PLXNC1: variants seen among roughly 807,000 people sequenced by gnomAD.
The protein encoded by PLXNC1 is plexin C1, also known as plexin-C1.
PLXNC1 carries 75 observed loss-of-function variants against 178.2 expected under a neutral mutation model. That is an observed-to-expected ratio of 0.42 (90% CI 0.35 to 0.51). The LOEUF (loss-of-function observed/expected upper bound fraction) is 0.51. PLXNC1 is among the 20% of genes least tolerant of loss of function. The pLI, the probability that PLXNC1 is intolerant of heterozygous loss-of-function variation, is 0.02. For missense variants in PLXNC1, 1,503 were observed against 1,984.4 expected (o/e 0.76, Z 4.61); for synonymous variants, 790 against 779.9 (o/e 1.01, Z -0.22).
intron 4 of PLXNC1, among the ~76,000 whole-genome samples, chr12:94,209,020 G>A (rs945248814): frequency 3.9e-5 from 6 of 152,190 alleles, no homozygotes; most frequent in African/African-American, 1.2e-4. Context: ...CTAAATAAAT[G>A]GTATGTAGCA....
In PLXNC1 at chr12:94,260,512, A is replaced by G. The variant is rs1167004223; in HGVS notation, c.3252-130A>G. ...GAAGTGGTTAGAATCTAAACATTAA[A>G]AAAAAAAAAAAAAAAGCTCCCAACC... On this transcript the variant is annotated intron_variant, in intron 19 of 30. Coordinates refer to ENST00000258526, the MANE Select transcript of PLXNC1 (RefSeq NM_005761.3). This position sits in a 1 kb window ranked among gnomAD's most constrained non-coding sequence, Gnocchi z 4.4. 2.8e-6 allele frequency: 1 copy of G among 359,398 alleles called. No homozygotes were observed. Among genetic ancestry groups the G allele is most frequent in the African/African-American group, 2.2e-5 (1 of 44,726 alleles). The allele number at this position is 359,398 out of a possible 1,614,324, so 22.3% of individuals were successfully genotyped here.
In PLXNC1 at chr12:94,260,599, T is replaced by A; in HGVS notation, c.3252-43T>A. On this transcript the variant is annotated intron_variant, in intron 19 of 30. Coordinates refer to ENST00000258526, the MANE Select transcript of PLXNC1 (RefSeq NM_005761.3). The surrounding 1 kb of genome is among the most constrained non-coding windows in gnomAD (Gnocchi z 4.4). Reference sequence around the variant, plus strand: ...ATGGAAACTCCCATGGGTGTCCAGCTAGGCCTGCAGCCAATGGTTCACCCA... The same window carrying A: ...ATGGAAACTCCCATGGGTGTCCAGCAAGGCCTGCAGCCAATGGTTCACCCA... The A allele has an allele frequency of 6.8e-7, 1 of 1,477,478 alleles. No individual in the cohort carries two copies. Among genetic ancestry groups the A allele is most frequent in the Non-Finnish European group, 9.4e-7 (1 of 1,063,506 alleles). 91.5% of individuals were successfully genotyped at this position (1,477,478 alleles called of 1,614,324 possible).
At chr12:94,251,704 C>T (rs1964694428) in intron 15 of PLXNC1, among the ~76,000 whole-genome samples, 176 bp downstream of exon 15, 1 of 152,224 alleles carries the variant, frequency 6.6e-6, no homozygotes, top group African/African-American at 2.4e-5. Flanking sequence ...CTAAACATTT[C>T]TTTTGGCCAG....
At chr12:94,198,076 C>T (rs967176147) in intron 4 of PLXNC1, among the ~76,000 whole-genome samples, 2 of 152,160 alleles carry the variant, frequency 1.3e-5, no homozygotes, top group Non-Finnish European at 2.9e-5. Context: ...TCCCTCCACA[C>T]GTATGTTCAT....
chr12:94,168,672 C>G (rs1419085421), intron 1 of PLXNC1, among the ~76,000 whole-genome samples: 2 of 152,188 alleles, frequency 1.3e-5, no homozygotes, highest in East Asian at 3.9e-4. Flanking sequence ...TTTGGTAAAT[C>G]TAGAATCCCT....
intron 5 of PLXNC1, among the ~76,000 whole-genome samples, chr12:94,212,273 CAAAAAAAAAAAA>C (rs146191533): frequency 2.2e-5 from 2 of 89,142 alleles, no homozygotes; most frequent in Non-Finnish European, 4.2e-5. Context: ...GACTCCGTCT[CAAAAAAAAAAAA>C]AAAAAAAAAA....
intron 24 of PLXNC1, among the ~76,000 whole-genome samples, chr12:94,296,132 T>A (rs909555637): frequency 6.6e-6 from 1 of 152,176 alleles, no homozygotes; most frequent in African/African-American, 2.4e-5. Flanking sequence ...CTACTCCCCA[T>A]TTTCCATTAG....
intron 12 of PLXNC1, among the ~76,000 whole-genome samples, chr12:94,245,555 C>T (rs1964506579): frequency 6.6e-6 from 1 of 152,206 alleles, no homozygotes; most frequent in Non-Finnish European, 1.5e-5. Flanking sequence ...CACAGAGTAT[C>T]ATCAGGTTCT....
intron 21 of PLXNC1, among the ~76,000 whole-genome samples, chr12:94,277,538 C>A (rs1966064669): frequency 6.6e-6 from 1 of 152,206 alleles, no homozygotes; most frequent in Non-Finnish European, 1.5e-5. Context: ...GAGAAAGCGA[C>A]ATACACAGAG....
chr12:94,219,958 A>G, intron 5 of PLXNC1, 58 bp from the exon 6 acceptor site: 2 of 1,557,786 alleles, frequency 1.3e-6, no homozygotes, highest in Non-Finnish European at 1.8e-6. Context: ...ATGAGGCTCT[A>G]TGATGGATGG....
At chr12:94,195,769 T>A (rs961343392) in intron 4 of PLXNC1, among the ~76,000 whole-genome samples, 1 of 152,194 alleles carries the variant, frequency 6.6e-6, no homozygotes, top group East Asian at 1.9e-4. Flanking sequence ...CATTTCTCGC[T>A]CGGTCTAACA....
chr12:94,199,221 G>T (rs1005292836), intron 4 of PLXNC1, among the ~76,000 whole-genome samples: 1 of 152,176 alleles, frequency 6.6e-6, no homozygotes, highest in Non-Finnish European at 1.5e-5. Flanking sequence ...TGGAATGGCC[G>T]ACAATTTGAG....
chr12:94,265,195 G>A lies in PLXNC1; in HGVS notation c.3567G>A (p.Leu1189=). 6.2e-7 allele frequency: 1 copy of A among 1,612,232 alleles called. No homozygotes were observed. The highest frequency in any genetic ancestry group is 2.2e-5 in the East Asian group (1 of 44,852). ...TGTACACACTTAATGAAGACTGGCTGTTGTGGCAGGTTCCGGAATTCAGTA... is the reference window on the plus strand; with the variant it reads ...TGTACACACTTAATGAAGACTGGCTATTGTGGCAGGTTCCGGAATTCAGTA... The part of the protein sequence containing the change: ...KALYTLNEDW[L]LWQVPEFSTV... Residue 1189 remains leucine, a synonymous_variant, in exon 21 of 31, where the codon CTG becomes CTA. Coordinates refer to ENST00000258526, the MANE Select transcript of PLXNC1 (RefSeq NM_005761.3).
intron 2 of PLXNC1, among the ~76,000 whole-genome samples, chr12:94,177,200 C>A (rs1048447452): frequency 8.4e-5 from 1 of 11,864 alleles, no homozygotes; most frequent in South Asian, 1.8e-3. Context: ...TATATATATA[C>A]GTATATATAT....
intron 1 of PLXNC1, among the ~76,000 whole-genome samples, chr12:94,162,086 G>A (rs540669652): frequency 6.6e-6 from 1 of 152,286 alleles, no homozygotes; most frequent in East Asian, 1.9e-4. Flanking sequence ...GAGACAGTAA[G>A]TTTTTAAAAA....
At chr12:94,202,891 G>A (rs1963183521) in intron 4 of PLXNC1, among the ~76,000 whole-genome samples, 1 of 152,198 alleles carries the variant, frequency 6.6e-6, no homozygotes, top group Admixed American at 6.5e-5. Flanking sequence ...GCAGACTGAG[G>A]TGCTGAAAGG....
intron 17 of PLXNC1, among the ~76,000 whole-genome samples, chr12:94,258,361 G>T (rs1964913227): frequency 6.6e-6 from 1 of 151,918 alleles, no homozygotes; most frequent in Non-Finnish European, 1.5e-5. Context: ...CAGGTCTTTT[G>T]CTTGGGCTTG....
intron 21 of PLXNC1, 84 bp from the exon 22 acceptor site, chr12:94,279,388 C>G: frequency 8.5e-7 from 1 of 1,181,956 alleles, no homozygotes; most frequent in Non-Finnish European, 1.2e-6. Context: ...ATTAGTGGGA[C>G]TTGCTAAGGT....
At chr12:94,279,704 CCTGCCCTCCCTCCCTGT>C in intron 22 of PLXNC1, 55 bp downstream of exon 22, 1 of 1,465,624 alleles carries the variant, frequency 6.8e-7, no homozygotes, top group Non-Finnish European at 9.5e-7. Context: ...TCCCTCCCTG[CCTGCCCTCCCTCCCTGT>C]CCCCCCTCCC....
Sources: allele counts gnomAD v4.1 joint callset (sites outside exome capture counted in the v4.1 genomes callset), GRCh38; gene constraint gnomAD v4.1.1; non-coding constraint Gnocchi (gnomAD v3.1); transcripts MANE v1.5; gene names NCBI Gene and HGNC (gene_info 2026-07-23, HGNC 2026-07-21).